The following ITGB4 variants were observed in gnomAD, a reference collection of about 807,000 sequenced individuals.
ITGB4 encodes integrin subunit beta 4, also known as integrin beta-4.
In ITGB4, 159 loss-of-function variants were observed where a neutral mutation model predicts 207.6. The ratio of observed to expected loss-of-function variants is 0.77; its 90% CI spans 0.67 to 0.87. ITGB4 has a LOEUF of 0.87. Among genes scored for constraint, ITGB4 ranks in the 40% least tolerant of loss-of-function variants. ITGB4 has a pLI of 0.00. For missense variants in ITGB4, 2,278 were observed against 2,546.8 expected (o/e 0.89, Z 2.27); for synonymous variants, 1,020 against 1,062.7 (o/e 0.96, Z 0.78).
At chr17:75,744,150 C>T (rs1404678444) in intron 26 of ITGB4, among the ~76,000 whole-genome samples, 4 of 123,136 alleles carry the variant, frequency 3.2e-5, no homozygotes, top group South Asian at 2.5e-4. Context: ...GACAGAGTTT[C>T]GCTCTTGTTG....
rs1360860172 is a variant in ITGB4 at position 75,750,202 on chromosome 17, G to A, written c.3408G>A (p.Lys1136=). ...GCGCCCCGCAGAACCCCAATGCTAA[G>A]GCCGCTGGGTCCAGGAAGATCCATT... ...DLGAPQNPNA[K]AAGSRKIHFN... is the part of the protein sequence containing the mutation. Residue 1136 remains lysine (K), a synonymous_variant, in exon 28 of 40, where the codon AAG becomes AAA. Coordinates refer to ENST00000200181, the MANE Select transcript of ITGB4 (RefSeq NM_000213.5). This position sits in a 1 kb window ranked among gnomAD's most constrained non-coding sequence, Gnocchi z 5.5. 6.2e-7 allele frequency: 1 copy of A among 1,613,854 alleles called. No individual in the cohort carries two copies. The highest frequency in any genetic ancestry group is 8.5e-7 in the Non-Finnish European group (1 of 1,180,024).
In ITGB4 at chr17:75,729,563, C is replaced by T; in HGVS notation, c.738+127C>T. The T allele has an allele frequency of 1.1e-6, 1 of 943,120 alleles. No individual in the cohort carries two copies. The highest frequency in any genetic ancestry group is 1.7e-5 in the South Asian group (1 of 57,266). 58.4% of individuals were successfully genotyped at this position (943,120 alleles called of 1,614,324 possible). A position where few individuals can be genotyped will look rare whatever the true frequency, so the allele number is the denominator to read the frequency against. On this transcript the variant is annotated intron_variant, in intron 7 of 39. Coordinates refer to ENST00000200181, the MANE Select transcript of ITGB4 (RefSeq NM_000213.5). This position sits in a 1 kb window ranked among gnomAD's most constrained non-coding sequence, Gnocchi z 4.4. ...CCCTGAGGGAAAGCCTGGGAGCCTGCAACCCCTTCACCCTGAGACAAGCTC... is the reference window on the plus strand; with the variant it reads ...CCCTGAGGGAAAGCCTGGGAGCCTGTAACCCCTTCACCCTGAGACAAGCTC...
chr17:75,756,947 A>AGCCACC lies in ITGB4; in HGVS notation c.5061_5066dup (p.Thr1688_Ala1689dup), dbSNP rs1324387995. On this transcript the variant is annotated inframe_insertion, in exon 38 of 40. Transcript: ENST00000200181. ...GAAGGCATCTTCCCTGCTCAGGGCCAGCCACCGCATTCCGGGTGGATGGAG... is the reference window on the plus strand; with the variant it reads ...GAAGGCATCTTCCCTGCTCAGGGCCAGCCACCGCCACCGCATTCCGGGTGGATGGAG... 2 of 1,612,536 alleles carry AGCCACC rather than the reference A, an allele frequency of 1.2e-6. No homozygotes were observed. The highest frequency in any genetic ancestry group is 1.7e-5 in the Admixed American group (1 of 60,004).
At position 75,740,315 on chromosome 17, in the gene ITGB4, G is replaced by T; in HGVS notation, c.2447-43G>T. 6.5e-7 allele frequency: 1 copy of T among 1,533,802 alleles called. No individual in the cohort carries two copies. Among genetic ancestry groups the T allele is most frequent in the East Asian group, 2.3e-5 (1 of 44,366 alleles). On this transcript the variant is annotated intron_variant, in intron 20 of 39. Transcript: ENST00000200181. The surrounding 1 kb of genome is among the most constrained non-coding windows in gnomAD (Gnocchi z 5.9). ...CTCTGTGGTGCCTGTCATGCAGGGG[G>T]CTGACCACCTCCATCTCACCCCCTC... is the stretch of plus-strand genomic sequence containing the variant.
At position 75,757,479 on chromosome 17, in the gene ITGB4, A is replaced by C; in HGVS notation, c.5393A>C (p.Gln1798Pro). 1 of 1,612,812 alleles carries C rather than the reference A, an allele frequency of 6.2e-7. No homozygotes were observed. Among genetic ancestry groups the C allele is most frequent in the Non-Finnish European group, 8.5e-7 (1 of 1,180,000 alleles). The change falls in exon 40 of 40, where the codon CAG (glutamine) becomes CCG (proline). Residue 1798 changes from glutamine (Q) to proline (P), a missense_variant. By Grantham distance (76) the Gln-to-Pro change is moderately conservative. Transcript: ENST00000200181. ...GGCTCCCTCACCCGGCATGTGACCC[A>C]GGAGTTTGTGAGCCGGACACTGACC... ...AGGSLTRHVT[Q>P]EFVSRTLTTS...
In ITGB4 at chr17:75,757,732, C is replaced by T. The variant is rs1038026835; in HGVS notation, c.*177C>T. On this transcript the variant is annotated 3_prime_UTR_variant, in exon 40 of 40. Coordinates refer to ENST00000200181, the MANE Select transcript of ITGB4 (RefSeq NM_000213.5). ...GGGGGCAAGGTCCGTCCTCTGTGGG[C>T]CCAAACCTATTTGTAACCAAAGAGC... The T allele has an allele frequency of 2.4e-6, 2 of 822,960 alleles. No individual in the cohort carries two copies. Among genetic ancestry groups the T allele is most frequent in the Non-Finnish European group, 3.9e-6 (2 of 509,478 alleles). The allele number at this position is 822,960 out of a possible 1,614,324, so 51.0% of individuals were successfully genotyped here.
chr17:75,736,117 G>A lies in ITGB4; in HGVS notation c.1724G>A (p.Cys575Tyr), dbSNP rs755534121. 6.2e-7 allele frequency: 1 copy of A among 1,614,160 alleles called. No homozygotes were observed. The highest frequency in any genetic ancestry group is 1.1e-5 in the South Asian group (1 of 91,080). ...EPGWTGPSCDCPLSNATCIDS... is the reference protein window; with the variant it reads ...EPGWTGPSCDYPLSNATCIDS... ...GGTTGGACAGGCCCAAGCTGTGACT[G>A]TCCCCTCAGCAATGCCACCTGCATC... Residue 575 changes from cysteine to tyrosine, a missense_variant, in exon 14 of 40, where the codon TGT (cysteine) becomes TAT (tyrosine). Coordinates refer to ENST00000200181, the MANE Select transcript of ITGB4 (RefSeq NM_000213.5).
intron 32 of ITGB4, 21 bp from the exon 33 acceptor site, chr17:75,753,744 C>T (rs1237629608): frequency 2.1e-6 from 3 of 1,398,822 alleles, no homozygotes; most frequent in Non-Finnish European, 1.9e-6. Flanking sequence ...GGTGCCAACG[C>T]GGCCCTTCGT....
Position 75,731,380 on chromosome 17 carries a change from TG to T in ITGB4, c.1215+17del. The T allele has an allele frequency of 6.3e-7, 1 of 1,589,332 alleles. No individual in the cohort carries two copies. On this transcript the variant is annotated intron_variant, in intron 10 of 39. Transcript: ENST00000200181. This position sits in a 1 kb window ranked among gnomAD's most constrained non-coding sequence, Gnocchi z 6.8. Reference sequence around the variant, plus strand: ...GGCGGGGGGAAGTGGTACGCCTCTGTGGGGGCAGCGGGGTGGGGGATAGGCA... The same window carrying T: ...GGCGGGGGGAAGTGGTACGCCTCTGTGGGGCAGCGGGGTGGGGGATAGGCA...
chr17:75,737,730 C>G, intron 18 of ITGB4, 86 bp downstream of exon 18: 1 of 1,148,108 alleles, frequency 8.7e-7, no homozygotes, highest in South Asian at 1.3e-5. Context: ...GGTCCCCAGT[C>G]CCCGCCTGAG....
Position 75,731,074 on chromosome 17 carries a change from G to T in ITGB4, c.1092+110G>T. ...ACGGTGGAGAAATGGGTCTGGGACAGACCAGTGAGGAAGGGTCTCTAGCTA... is the reference window on the plus strand; with the variant it reads ...ACGGTGGAGAAATGGGTCTGGGACATACCAGTGAGGAAGGGTCTCTAGCTA... On this transcript the variant is annotated intron_variant, in intron 9 of 39. Coordinates refer to ENST00000200181, the MANE Select transcript of ITGB4 (RefSeq NM_000213.5). This position sits in a 1 kb window ranked among gnomAD's most constrained non-coding sequence, Gnocchi z 6.8. The T allele has an allele frequency of 7.1e-7, 1 of 1,410,678 alleles. No homozygotes were observed. The highest frequency in any genetic ancestry group is 1.8e-5 in the Admixed American group (1 of 56,544). The allele number at this position is 1,410,678 out of a possible 1,614,324, so 87.4% of individuals were successfully genotyped here. A position where few individuals can be genotyped will look rare whatever the true frequency, so the allele number is the denominator to read the frequency against.
chr17:75,748,288 GGA>G (rs1398818288), intron 26 of ITGB4, among the ~76,000 whole-genome samples: 1 of 151,778 alleles, frequency 6.6e-6, no homozygotes, highest in Non-Finnish European at 1.5e-5. Context: ...CCTGAGCCCA[GGA>G]GGTCAAGGCT....
Position 75,742,784 on chromosome 17 carries a change from G to A in ITGB4, c.2962+23G>A. On this transcript the variant is annotated intron_variant, in intron 25 of 39. Coordinates refer to ENST00000200181, the MANE Select transcript of ITGB4 (RefSeq NM_000213.5). This position sits in a 1 kb window ranked among gnomAD's most constrained non-coding sequence, Gnocchi z 5.9. Reference sequence around the variant, plus strand: ...AAGGTGGGTCTGGGTGGGGAGAGTGGGGAAGGCAGACGGGGGCTCGGGGGC... The same window carrying A: ...AAGGTGGGTCTGGGTGGGGAGAGTGAGGAAGGCAGACGGGGGCTCGGGGGC... The A allele has an allele frequency of 6.3e-7, 1 of 1,597,998 alleles. No homozygotes were observed. Among genetic ancestry groups the A allele is most frequent in the Non-Finnish European group, 8.5e-7 (1 of 1,176,194 alleles).
At position 75,756,421 on chromosome 17, in the gene ITGB4, C is replaced by A. The variant is rs371797130; in HGVS notation, c.4709-8C>A. 127 of 1,610,966 alleles carry A rather than the reference C, an allele frequency of 7.9e-5. No homozygotes were observed. Among genetic ancestry groups the A allele is most frequent in the Non-Finnish European group, 1.1e-4 (125 of 1,179,560 alleles). On this transcript the variant is annotated splice_polypyrimidine_tract_variant and splice_region_variant and intron_variant, in intron 35 of 39. Transcript: ENST00000200181. ...GCACTACTGTGTGCCCCCACCTGAT[C>A]CCCCCAGGTGAGCTGCATCGGCTCA...
Position 75,731,111 on chromosome 17 carries a change from C to T in ITGB4, c.1093-135C>T. The T allele has an allele frequency of 6.6e-7, 1 of 1,505,386 alleles. No individual in the cohort carries two copies. The highest frequency in any genetic ancestry group is 9.1e-7 in the Non-Finnish European group (1 of 1,096,684). The allele number at this position is 1,505,386 out of a possible 1,614,324, so 93.3% of individuals were successfully genotyped here. On this transcript the variant is annotated intron_variant, in intron 9 of 39. Transcript: ENST00000200181. This position sits in a 1 kb window ranked among gnomAD's most constrained non-coding sequence, Gnocchi z 6.8. ...AGGGTCTCTAGCTATCCCTGAGGCC[C>T]CGAGGGGCCACCTGGGCCTGGCCCT...
rs759956925 is a variant in ITGB4 at position 75,743,741 on chromosome 17, TGA to T, written c.2993_2994del (p.Glu998ValfsTer47). 6.2e-7 allele frequency: 1 copy of T among 1,613,538 alleles called. No individual in the cohort carries two copies. The highest frequency in any genetic ancestry group is 8.5e-7 in the Non-Finnish European group (1 of 1,180,002). ...ARDVVSFEQP[E>X]FSVSRGDQVA... Reference sequence around the variant, plus strand: ...GAGACGTGGTGTCCTTTGAGCAGCCTGAGTTCTCGGTCAGCCGCGGGGACCAG... The same window carrying T: ...GAGACGTGGTGTCCTTTGAGCAGCCTGTTCTCGGTCAGCCGCGGGGACCAG... On this transcript the variant is annotated frameshift_variant, in exon 26 of 40. Coordinates refer to ENST00000200181, the MANE Select transcript of ITGB4 (RefSeq NM_000213.5). LOFTEE classifies it high-confidence loss of function.
At position 75,729,197 on chromosome 17, in the gene ITGB4, G is replaced by C; in HGVS notation, c.567-68G>C. ...AAAATTCTCCTTCTAGTTGAAACGAGCCAGGGGCACTGGGGTCTGCGGCGT... is the reference window on the plus strand; with the variant it reads ...AAAATTCTCCTTCTAGTTGAAACGACCCAGGGGCACTGGGGTCTGCGGCGT... On this transcript the variant is annotated intron_variant, in intron 6 of 39. Transcript: ENST00000200181. The surrounding 1 kb of genome is among the most constrained non-coding windows in gnomAD (Gnocchi z 4.4). 1 of 1,465,060 alleles carries C rather than the reference G, an allele frequency of 6.8e-7. No homozygotes were observed. Among genetic ancestry groups the C allele is most frequent in the East Asian group, 2.3e-5 (1 of 43,742 alleles). 90.8% of individuals were successfully genotyped at this position (1,465,060 alleles called of 1,614,324 possible). A position where few individuals can be genotyped will look rare whatever the true frequency, so the allele number is the denominator to read the frequency against.
At chr17:75,749,346 A>C (rs1414819233) in intron 27 of ITGB4, among the ~76,000 whole-genome samples, 1 of 152,024 alleles carries the variant, frequency 6.6e-6, no homozygotes, top group African/African-American at 2.4e-5. Context: ...TGGGCAACAT[A>C]GTGAGACCTC....
At position 75,740,851 on chromosome 17, in the gene ITGB4, G is replaced by T. The variant is rs764264157; in HGVS notation, c.2609G>T (p.Arg870Leu). Residue 870 changes from arginine to leucine, a missense_variant and splice_region_variant, in exon 22 of 40, where the codon CGG (arginine) becomes CTG (leucine). By Grantham distance (102) the Arg-to-Leu change is moderately radical (BLOSUM62 -2). Transcript: ENST00000200181. This position sits in a 1 kb window ranked among gnomAD's most constrained non-coding sequence, Gnocchi z 5.9. ...GVHKLQQTKF[R>L]QQPNAGKKQD... is the part of the protein sequence containing the mutation. ...CACAAGCTCCAGCAGACCAAGTTCC[G>T]GTGAGTCCCGGGGTGCCCGGGTTGG... The T allele has an allele frequency of 4.3e-6, 7 of 1,613,662 alleles. No individual in the cohort carries two copies. In the African/African-American group the frequency reaches 9.3e-5, roughly 22 times the overall value.
Sources: allele counts gnomAD v4.1 joint callset (sites outside exome capture counted in the v4.1 genomes callset), GRCh38; gene constraint gnomAD v4.1.1; non-coding constraint Gnocchi (gnomAD v3.1); transcripts MANE v1.5; gene names NCBI Gene and HGNC (gene_info 2026-07-23, HGNC 2026-07-21).